RTCB: variants seen among roughly 807,000 people sequenced by gnomAD.
RTCB encodes RNA-splicing ligase RTCB.
Under a neutral mutation model 58.2 loss-of-function variants are expected in RTCB, and 32 were observed. The ratio of observed to expected loss-of-function variants is 0.55; its 90% CI spans 0.41 to 0.74. The LOEUF is 0.74. Ranked by LOEUF, RTCB falls within the 30% of genes least tolerant of loss-of-function variation. The pLI is 0.00. For missense variants in RTCB, 523 were observed against 639.0 expected, an observed-to-expected ratio of 0.82 and a Z score of 1.96; for synonymous variants, 247 against 218.6, an observed-to-expected ratio of 1.13 and a Z score of -1.15.
chr22:32,407,951 T>G, intron 3 of RTCB: 1 of 546,578 alleles, frequency 1.8e-6, no homozygotes. Context: ...GACAGGGTCT[T>G]GCCATGTTGC....
intron 1 of RTCB, among the ~76,000 whole-genome samples, chr22:32,410,912 T>C (rs1401246994): frequency 3.9e-5 from 6 of 152,140 alleles, no homozygotes; most frequent in Non-Finnish European, 5.9e-5. Flanking sequence ...CCCACTATAT[T>C]GCCCAGGCAG....
rs553913169 is a variant in RTCB, at chr22:32,409,320, T to C, written c.94-487A>G. Among the ~76,000 whole-genome samples, 19 of 152,370 alleles carry C rather than the reference T, an allele frequency of 1.2e-4. No individual in the cohort carries two copies. In the East Asian group the frequency reaches 1.7e-3, roughly 14 times the overall value. ...CAAATTACATTTTATTGTGCTCTAG[T>C]GGTGACTTACAAATCTCTAGTTAGG... On this transcript the variant is annotated intron_variant, in intron 1 of 11. Transcript: ENST00000216038.
At chr22:32,407,744 A>G (rs1383575922) in intron 3 of RTCB, 2 of 155,582 alleles carry the variant, frequency 1.3e-5, no homozygotes, top group South Asian at 2.0e-4. Flanking sequence ...TTATTTCTTT[A>G]GGTCCATGGT....
intron 9 of RTCB, 56 bp from the exon 10 acceptor site, chr22:32,394,058 T>C (rs915954086): frequency 2.4e-6 from 3 of 1,236,212 alleles, no homozygotes; most frequent in Non-Finnish European, 2.4e-6. Flanking sequence ...AGGCTTTTTA[T>C]GCATAAAATT....
At chr22:32,396,937 G>C (rs554530278) in intron 7 of RTCB, among the ~76,000 whole-genome samples, 59 of 152,306 alleles carry the variant, frequency 3.9e-4, no homozygotes, top group Admixed American at 1.6e-3. Flanking sequence ...TGACAACTGC[G>C]TCTGTTGCCC....
chr22:32,393,909 T>C lies in RTCB; in HGVS notation c.1273A>G (p.Thr425Ala). The change falls in exon 10 of 12, where the codon ACA becomes GCA. Residue 425 changes from threonine to alanine, a missense_variant. Coordinates refer to ENST00000216038, the MANE Select transcript of RTCB (RefSeq NM_014306.5). The stretch of plus-strand genomic sequence containing the variant: ...TTCCTTACCGCTCCATGACAGGTTG[T>C]TCCAAAGGTCTCAGTCATGCCCTGT... ...TEQGMTETFG[T>A]TCHGAGRALS... 1 of 1,613,142 alleles carries C rather than the reference T, an allele frequency of 6.2e-7. No individual in the cohort carries two copies. Among genetic ancestry groups the C allele is most frequent in the Non-Finnish European group, 8.5e-7 (1 of 1,179,102 alleles).
rs202229511 is a variant in RTCB, at chr22:32,395,208, C to T, written c.997G>A (p.Ala333Thr). The change falls in exon 9 of 12, where the codon GCC becomes ACC. Residue 333 changes from alanine to threonine, a missense_variant. By Grantham distance (58) the Ala-to-Thr change is moderately conservative. This residue lies in a region of RTCB where 248 missense variants were observed against 292.5 expected (regional missense o/e 0.85). Coordinates refer to ENST00000216038, the MANE Select transcript of RTCB (RefSeq NM_014306.5). ...SMTFLTRQAFAKVFNTTPDDL... is the reference protein window; with the variant it reads ...SMTFLTRQAFTKVFNTTPDDL... ...TCAGGGGTTGTGTTGAAGACCTTGG[C>T]GAAAGCCTAGGAGAAAACACAGAAG... is the stretch of plus-strand genomic sequence containing the variant. 76 of 1,613,770 alleles carry T rather than the reference C, an allele frequency of 4.7e-5. No individual in the cohort carries two copies. Among genetic ancestry groups the T allele is most frequent in the Admixed American group, 8.3e-5 (5 of 60,000 alleles).
Position 32,410,202 on chromosome 22 carries a change from T to G in RTCB, c.94-1369A>C, listed in dbSNP as rs1933496706. ...AAGTACACAGTGCTATGGAAGAATCTGATGAGGAAGTGCCTCAACAGTCTA... is the reference window on the plus strand; with the variant it reads ...AAGTACACAGTGCTATGGAAGAATCGGATGAGGAAGTGCCTCAACAGTCTA... On this transcript the variant is annotated intron_variant, in intron 1 of 11. Coordinates refer to ENST00000216038, the MANE Select transcript of RTCB (RefSeq NM_014306.5). Among the ~76,000 whole-genome samples the G allele has an allele frequency of 3.3e-5, 5 of 152,298 alleles. No individual in the cohort carries two copies. In the South Asian group the frequency reaches 1.0e-3, roughly 32 times the overall value.
intron 6 of RTCB, among the ~76,000 whole-genome samples, chr22:32,399,197 C>T (rs1055534266): frequency 6.6e-6 from 1 of 152,152 alleles, no homozygotes; most frequent in Non-Finnish European, 1.5e-5. Context: ...AGTGCACTGG[C>T]GTGATCACAG....
chr22:32,398,441 C>A (rs894911029), intron 6 of RTCB, among the ~76,000 whole-genome samples: 4 of 151,966 alleles, frequency 2.6e-5, no homozygotes, highest in African/African-American at 9.7e-5. Context: ...ACATCACATA[C>A]CAGAGCCTGT....
chr22:32,394,874 C>G, intron 9 of RTCB, 152 bp downstream of exon 9: 2 of 682,636 alleles, frequency 2.9e-6, no homozygotes, highest in Non-Finnish European at 4.9e-6. Context: ...GAAGGAGTTA[C>G]TGCTTCAGAG....
In RTCB at chr22:32,395,191, T is replaced by TG. The variant is rs1933225907; in HGVS notation, c.1013dup (p.Thr339AsnfsTer3). 6.2e-7 allele frequency: 1 copy of TG among 1,613,094 alleles called. No individual in the cohort carries two copies. Among genetic ancestry groups the TG allele is most frequent in the Non-Finnish European group, 8.5e-7 (1 of 1,178,992 alleles). ...CATGTAGGTCCAAGTCATCAGGGGTTGTGTTGAAGACCTTGGCGAAAGCCT... is the reference window on the plus strand; with the variant it reads ...CATGTAGGTCCAAGTCATCAGGGGTTGGTGTTGAAGACCTTGGCGAAAGCCT... On this transcript the variant is annotated frameshift_variant, in exon 9 of 12. Coordinates refer to ENST00000216038, the MANE Select transcript of RTCB (RefSeq NM_014306.5). LOFTEE classifies it high-confidence loss of function.
intron 4 of RTCB, 67 bp downstream of exon 4, chr22:32,406,595 A>T: frequency 9.2e-7 from 1 of 1,092,834 alleles, no homozygotes; most frequent in Non-Finnish European, 1.4e-6. Flanking sequence ...TGCTGGGATT[A>T]CAGACGTGAG....
chr22:32,394,007 G>A lies in RTCB; in HGVS notation c.1180-5C>T. Reference sequence around the variant, plus strand: ...GAGCACTGGCTGTCCAGTGAGCTGAGGATGCACATAAATCAAACATGTTAA... The same window carrying A: ...GAGCACTGGCTGTCCAGTGAGCTGAAGATGCACATAAATCAAACATGTTAA... On this transcript the variant is annotated splice_region_variant and splice_polypyrimidine_tract_variant and intron_variant, in intron 9 of 11. Transcript: ENST00000216038. 1 of 1,583,100 alleles carries A rather than the reference G, an allele frequency of 6.3e-7. No individual in the cohort carries two copies. Among genetic ancestry groups the A allele is most frequent in the Non-Finnish European group, 8.7e-7 (1 of 1,152,002 alleles).
At chr22:32,409,937 C>G (rs1192360776) in intron 1 of RTCB, among the ~76,000 whole-genome samples, 2 of 151,910 alleles carry the variant, frequency 1.3e-5, no homozygotes, top group Non-Finnish European at 2.9e-5. Context: ...CCTGCCTCAG[C>G]CTCCCGAGTA....
intron 9 of RTCB, 93 bp downstream of exon 9, chr22:32,394,933 C>CA: frequency 8.9e-7 from 1 of 1,118,706 alleles, no homozygotes; most frequent in South Asian, 1.5e-5. Flanking sequence ...TTTCTTTTCA[C>CA]AATTGCTGCT....
At chr22:32,395,251 T>G in intron 8 of RTCB, 37 bp from the exon 9 acceptor site, 1 of 1,581,556 alleles carries the variant, frequency 6.3e-7, no homozygotes, top group South Asian at 1.1e-5. Context: ...CAGCCAGAAC[T>G]TCAGGACTTA....
chr22:32,395,982 G>C, intron 8 of RTCB, 92 bp downstream of exon 8: 3 of 1,319,786 alleles, frequency 2.3e-6, no homozygotes, highest in Non-Finnish European at 3.2e-6. Flanking sequence ...TTACAGGCAT[G>C]AGCCACCGTG....
chr22:32,408,075 A>G lies in RTCB; in HGVS notation c.240+100T>C, dbSNP rs567012985. On this transcript the variant is annotated intron_variant, in intron 3 of 11. Coordinates refer to ENST00000216038, the MANE Select transcript of RTCB (RefSeq NM_014306.5). ...CTTCATGGTTATGTCTGGCTGTCCA[A>G]AGGTCATTGTCTAAATGACACCACT... The G allele has an allele frequency of 2.7e-4, 303 of 1,103,886 alleles. 2 individuals carry two copies. In the South Asian group the frequency reaches 3.5e-3, roughly 13 times the overall value. 68.4% of individuals were successfully genotyped at this position (1,103,886 alleles called of 1,614,324 possible). A position where few individuals can be genotyped will look rare whatever the true frequency, so the allele number is the denominator to read the frequency against.
Sources: allele counts gnomAD v4.1 joint callset (sites outside exome capture counted in the v4.1 genomes callset), GRCh38; gene constraint gnomAD v4.1.1; regional missense constraint gnomAD v4.1.1; transcripts MANE v1.5; gene names NCBI Gene and HGNC (gene_info 2026-07-23, HGNC 2026-07-21).